Variants in SOBP observed in about 807,000 individuals in gnomAD.
SOBP encodes sine oculis binding protein homolog, also known as sine oculis-binding protein homolog.
A neutral mutation model predicts 53.6 loss-of-function variants in SOBP; 4 were observed. That is an observed-to-expected ratio of 0.07 (90% CI 0.04 to 0.17). The LOEUF (loss-of-function observed/expected upper bound fraction) is 0.17. SOBP is among the 10% of genes least tolerant of loss of function. The pLI is 1.00. For missense variants in SOBP, 1,088 were observed against 1,204.7 expected, an observed-to-expected ratio of 0.90 and a Z score of 1.43; for synonymous variants, 584 against 522.6, an observed-to-expected ratio of 1.12 and a Z score of -1.60.
intron 6 of SOBP, among the ~76,000 whole-genome samples, chr6:107,655,324 T>A (rs1771985989): frequency 6.6e-6 from 1 of 151,926 alleles, no homozygotes; most frequent in African/African-American, 2.4e-5. Flanking sequence ...GATTCCAGAG[T>A]CTTTTCCTGT....
chr6:107,646,395 G>C (rs1005620616), intron 6 of SOBP, among the ~76,000 whole-genome samples: 5 of 152,188 alleles, frequency 3.3e-5, no homozygotes, highest in African/African-American at 9.7e-5. Context: ...CACAGAAACA[G>C]AGGCCCCACC....
chr6:107,598,186 G>T (rs1786017916), intron 5 of SOBP, among the ~76,000 whole-genome samples: 1 of 151,864 alleles, frequency 6.6e-6, no homozygotes, highest in Admixed American at 6.6e-5. Flanking sequence ...AAAAAAAAAA[G>T]TTTACAAACT....
chr6:107,547,699 G>A (rs866891746), intron 4 of SOBP, among the ~76,000 whole-genome samples: 41 of 152,324 alleles, frequency 2.7e-4, no homozygotes, highest in Admixed American at 5.2e-4. Context: ...CCACAATGGG[G>A]AAAGACTAGG....
Position 107,631,638 on chromosome 6 carries a change from T to C in SOBP, c.670-1876T>C, listed in dbSNP as rs1770719027. 3.3e-5 allele frequency among the ~76,000 whole-genome samples: 5 copies of C among 152,186 alleles called. No individual in the cohort carries two copies. In the South Asian group the frequency reaches 1.0e-3, roughly 32 times the overall value. On this transcript the variant is annotated intron_variant, in intron 5 of 6. Coordinates refer to ENST00000317357, the MANE Select transcript of SOBP (RefSeq NM_018013.4). Reference sequence around the variant, plus strand: ...AGCTTCCCTTAATTCAGGAGGAACATGAAACACTATAGCGAAACACAGGAG... The same window carrying C: ...AGCTTCCCTTAATTCAGGAGGAACACGAAACACTATAGCGAAACACAGGAG...
In SOBP at chr6:107,503,923, C is replaced by G. The variant is rs1020878045; in HGVS notation, c.235+128C>G. 2.5e-5 allele frequency: 28 copies of G among 1,140,616 alleles called. No individual in the cohort carries two copies. In the African/African-American group the frequency reaches 3.4e-4, roughly 14 times the overall value. 70.7% of individuals were successfully genotyped at this position (1,140,616 alleles called of 1,614,324 possible). On this transcript the variant is annotated intron_variant, in intron 2 of 6. Coordinates refer to ENST00000317357, the MANE Select transcript of SOBP (RefSeq NM_018013.4). ...TATGCCAATGGTTGATTTAAACATA[C>G]ATCCCCAATAGTGCTTTCCCATAAG...
intron 6 of SOBP, among the ~76,000 whole-genome samples, chr6:107,647,682 AG>A (rs1431037281): frequency 1.3e-5 from 2 of 151,842 alleles, no homozygotes; most frequent in East Asian, 3.9e-4. Context: ...CGAGTGCCCA[AG>A]GTCACAGGGT....
At chr6:107,553,734 C>A (rs2115015399) in intron 4 of SOBP, among the ~76,000 whole-genome samples, 1 of 152,254 alleles carries the variant, frequency 6.6e-6, no homozygotes, top group East Asian at 1.9e-4. Context: ...GATCCACCCG[C>A]CTTGGCCTCC....
intron 5 of SOBP, among the ~76,000 whole-genome samples, chr6:107,611,563 C>T (rs777386214): frequency 1.3e-5 from 2 of 152,214 alleles, no homozygotes; most frequent in Non-Finnish European, 2.9e-5. Flanking sequence ...CACTTTCCTC[C>T]TCAGCCCAGT....
intron 6 of SOBP, among the ~76,000 whole-genome samples, chr6:107,648,529 GT>G (rs35304487): frequency 0.12 from 18,282 of 147,298 alleles, 1,353 homozygotes; most frequent in South Asian, 0.29. Context: ...AAAATGTGTG[GT>G]TTTTTTTTTT....
intron 4 of SOBP, among the ~76,000 whole-genome samples, chr6:107,573,766 CTT>C (rs1411955707): frequency 6.6e-6 from 1 of 151,950 alleles, no homozygotes; most frequent in Non-Finnish European, 1.5e-5. Flanking sequence ...TTGTAGTTTA[CTT>C]TTATTTACCG....
chr6:107,528,337 G>A (rs1284754418), intron 3 of SOBP, among the ~76,000 whole-genome samples: 1 of 152,108 alleles, frequency 6.6e-6, no homozygotes, highest in South Asian at 2.1e-4. Flanking sequence ...AGGTAGGGGG[G>A]TCTCCCATTT....
chr6:107,653,186 G>A (rs1771880909), intron 6 of SOBP, among the ~76,000 whole-genome samples: 1 of 152,224 alleles, frequency 6.6e-6, no homozygotes, highest in Admixed American at 6.5e-5. Context: ...GTTGATGGAG[G>A]AGAGAAGGAA....
chr6:107,535,506 C>T (rs1262582990), intron 4 of SOBP, among the ~76,000 whole-genome samples: 1 of 152,140 alleles, frequency 6.6e-6, no homozygotes, highest in African/African-American at 2.4e-5. Context: ...TAGCCAGTGA[C>T]TTTGCCAGCT....
rs780149896 is a variant in SOBP, at chr6:107,503,674, C to A, written c.114C>A (p.Thr38=). The A allele has an allele frequency of 2.5e-6, 4 of 1,614,070 alleles. No homozygotes were observed. The East Asian group carries it at 8.9e-5, about 36-fold the overall frequency. The change falls in exon 2 of 7, where the codon ACC becomes ACA. Residue 38 remains threonine (T), a synonymous_variant. Transcript: ENST00000317357. The stretch of plus-strand genomic sequence containing the variant: ...TCTTTCAGAACTTTGCAGAAAACAC[C>A]ATGAATGAACTCCTTGGCTGGTATG... ...NEEMKNFAEN[T]MNELLGWYGY... is the part of the protein sequence containing the mutation.
At chr6:107,627,416 G>C (rs961506877) in intron 5 of SOBP, among the ~76,000 whole-genome samples, 1 of 152,192 alleles carries the variant, frequency 6.6e-6, no homozygotes, top group South Asian at 2.1e-4. Context: ...GAGAAGGAAG[G>C]ATCTGCTCCT....
intron 4 of SOBP, among the ~76,000 whole-genome samples, chr6:107,549,488 G>A (rs550400024): frequency 6.6e-6 from 1 of 151,342 alleles, no homozygotes; most frequent in Non-Finnish European, 1.5e-5. Flanking sequence ...GTTTCATTTA[G>A]GGTGTCATTT....
intron 4 of SOBP, among the ~76,000 whole-genome samples, chr6:107,554,252 G>A (rs1049606050): frequency 6.6e-6 from 1 of 152,208 alleles, no homozygotes; most frequent in Non-Finnish European, 1.5e-5. Flanking sequence ...AAGTGACAGA[G>A]TTTTTCTGCA....
chr6:107,570,092 T>A (rs1224270084), intron 4 of SOBP, among the ~76,000 whole-genome samples: 1 of 152,168 alleles, frequency 6.6e-6, no homozygotes, highest in African/African-American at 2.4e-5. Flanking sequence ...TAAATACTCA[T>A]CAGTTACAGA....
intron 4 of SOBP, 48 bp from the exon 5 acceptor site, chr6:107,587,032 C>G (rs1269940805): frequency 1.4e-6 from 2 of 1,416,296 alleles, no homozygotes; most frequent in Admixed American, 3.4e-5. Context: ...AGCTTTTTTT[C>G]TTCCATTATT....
Sources: gnomAD v4.1 joint callset for allele counts (sites outside exome capture counted in the v4.1 genomes callset) on GRCh38, gnomAD v4.1.1 for gene constraint, MANE v1.5 for transcripts, NCBI Gene and HGNC (gene_info 2026-07-23, HGNC 2026-07-21) for gene names.